ZFAT: variants seen among roughly 807,000 people sequenced by gnomAD.
ZFAT encodes zinc finger and AT-hook domain containing.
A neutral mutation model predicts 117.7 loss-of-function variants in ZFAT; 64 were observed. That is an observed-to-expected ratio of 0.54 (90% CI 0.44 to 0.67). The LOEUF (loss-of-function observed/expected upper bound fraction) is 0.67. ZFAT is among the 30% of genes least tolerant of loss of function. ZFAT has a pLI of 0.00. For missense variants in ZFAT, 1,433 were observed against 1,584.5 expected, an observed-to-expected ratio of 0.90 and a Z score of 1.62; for synonymous variants, 679 against 615.0, an observed-to-expected ratio of 1.10 and a Z score of -1.54.
the ZFAT span, chr8:134,785,968 T>C: frequency 1.3e-5 from 2 of 152,228 alleles, no homozygotes; most frequent in African/African-American, 4.8e-5. Flanking sequence ...AGTCTACTTC[T>C]ACAAAATCTT....
At chr8:134,824,154 T>G in the ZFAT span, among the ~76,000 whole-genome samples, 2 of 152,216 alleles carry the variant, frequency 1.3e-5, no homozygotes, top group African/African-American at 4.8e-5. Flanking sequence ...TCCAAGGGAA[T>G]TGAGTGCTGC....
chr8:134,486,490 G>A (rs1817664698), intron 15 of ZFAT, among the ~76,000 whole-genome samples: 1 of 152,176 alleles, frequency 6.6e-6, no homozygotes, highest in Non-Finnish European at 1.5e-5. Context: ...ATTAAACCAT[G>A]TCTTGGAGAA....
chr8:134,740,698 T>C, the ZFAT span, among the ~76,000 whole-genome samples: 1 of 152,202 alleles, frequency 6.6e-6, no homozygotes, highest in African/African-American at 2.4e-5. Flanking sequence ...AACCATGGAA[T>C]GTTCTGGCCT....
At chr8:134,822,351 T>C in the ZFAT span, among the ~76,000 whole-genome samples, 1 of 152,004 alleles carries the variant, frequency 6.6e-6, no homozygotes, top group African/African-American at 2.4e-5. Flanking sequence ...ACTTTTCCAG[T>C]CTCCATTCCC....
intron 12 of ZFAT, among the ~76,000 whole-genome samples, chr8:134,525,023 T>G (rs928782163): frequency 6.6e-6 from 1 of 152,222 alleles, no homozygotes; most frequent in African/African-American, 2.4e-5. Flanking sequence ...GAGGTCACAC[T>G]GGCAAAGTTA....
intron 1 of ZFAT, 127 bp downstream of exon 1, chr8:134,712,718 C>CGCGGCCGGCGGCCCCG: frequency 1.2e-6 from 1 of 824,852 alleles, no homozygotes; most frequent in Non-Finnish European, 1.7e-6. Flanking sequence ...CGGATCCCTC[C>CGCGGCCGGCGGCCCCG]GCGGCCGGCG....
chr8:134,787,814 T>C, the ZFAT span, among the ~76,000 whole-genome samples: 1 of 151,458 alleles, frequency 6.6e-6, no homozygotes, highest in Non-Finnish European at 1.5e-5. Flanking sequence ...AAAAAAAAAA[T>C]GCTTAAATGA....
At chr8:134,691,398 C>T (rs1040820478) in intron 1 of ZFAT, among the ~76,000 whole-genome samples, 18 of 152,272 alleles carry the variant, frequency 1.2e-4, no homozygotes, top group Non-Finnish European at 2.2e-4. Flanking sequence ...GGCGCCTCCA[C>T]GGACACAGTG....
At chr8:134,668,746 G>A (rs1832390228) in intron 1 of ZFAT, among the ~76,000 whole-genome samples, 1 of 152,248 alleles carries the variant, frequency 6.6e-6, no homozygotes, top group Non-Finnish European at 1.5e-5. Context: ...GAACAAAGCT[G>A]GACGGAGAAT....
chr8:134,629,388 C>T (rs1829733849), intron 3 of ZFAT, among the ~76,000 whole-genome samples: 1 of 152,038 alleles, frequency 6.6e-6, no homozygotes, highest in Non-Finnish European at 1.5e-5. Flanking sequence ...GGTCACCAAG[C>T]ATTTCCAGGG....
At chr8:134,622,691 C>A (rs1829212266) in intron 3 of ZFAT, among the ~76,000 whole-genome samples, 2 of 152,156 alleles carry the variant, frequency 1.3e-5, no homozygotes, top group Non-Finnish European at 2.9e-5. Context: ...ACAATGGGCC[C>A]TACTGCTCTC....
In ZFAT at chr8:134,509,785, C is replaced by A. The variant is rs746776732; in HGVS notation, c.3362-36G>T. ...AGAAGCAAAGAGGACACCATTCAGG[C>A]CACTGGTGCTGAAGGACATGGAATG... On this transcript the variant is annotated intron_variant, in intron 14 of 15. Transcript: ENST00000377838. 1.2e-5 allele frequency: 18 copies of A among 1,559,282 alleles called. No homozygotes were observed. In the Admixed American group the frequency reaches 2.6e-4, roughly 22 times the overall value.
At chr8:134,714,416 C>T (rs1053456753), upstream of ZFAT, among the ~76,000 whole-genome samples, 1 of 152,128 alleles carries the variant, frequency 6.6e-6, no homozygotes, top group African/African-American at 2.4e-5. Context: ...CTTGTTTTCT[C>T]AGCGCCTGTT....
the ZFAT span, among the ~76,000 whole-genome samples, chr8:134,740,996 C>T: frequency 1.3e-5 from 2 of 152,094 alleles, no homozygotes; most frequent in African/African-American, 2.4e-5. Context: ...CTCCCTTTTC[C>T]CTCTACCATA....
intron 15 of ZFAT, among the ~76,000 whole-genome samples, chr8:134,491,670 C>A (rs1225002970): frequency 1.3e-5 from 2 of 152,204 alleles, no homozygotes; most frequent in African/African-American, 4.8e-5. Context: ...TTGGTGGAGT[C>A]TTTCTTACGA....
chr8:134,490,395 G>C (rs546143270), intron 15 of ZFAT, among the ~76,000 whole-genome samples: 3 of 152,208 alleles, frequency 2.0e-5, no homozygotes, highest in African/African-American at 7.2e-5. Context: ...GTTCAACCAC[G>C]AAGAGGACTA....
the ZFAT span, among the ~76,000 whole-genome samples, chr8:134,721,729 G>A: frequency 4.6e-5 from 7 of 152,062 alleles, no homozygotes; most frequent in African/African-American, 7.3e-5. Context: ...GGCTCCCATC[G>A]CCCCTTTCCG....
At chr8:134,531,578 G>A (rs1423856536) in intron 12 of ZFAT, among the ~76,000 whole-genome samples, 1 of 152,220 alleles carries the variant, frequency 6.6e-6, no homozygotes, top group Non-Finnish European at 1.5e-5. Context: ...AAGAGCCTAA[G>A]AGGGAGAGCT....
intron 2 of ZFAT, among the ~76,000 whole-genome samples, chr8:134,641,236 C>A (rs560928294): frequency 6.6e-5 from 10 of 152,278 alleles, no homozygotes; most frequent in African/African-American, 2.4e-4. Context: ...CACACACAGA[C>A]ACACACACCT....
Sources: gnomAD v4.1 joint callset for allele counts (sites outside exome capture counted in the v4.1 genomes callset) on GRCh38, gnomAD v4.1.1 for gene constraint, MANE v1.5 for transcripts, NCBI Gene and HGNC (gene_info 2026-07-23, HGNC 2026-07-21) for gene names.